Variants in CSF2RA observed in about 807,000 individuals in gnomAD.
The protein encoded by CSF2RA is granulocyte-macrophage colony-stimulating factor receptor subunit alpha.
CSF2RA carries 42 observed loss-of-function variants against 51.6 expected under a neutral mutation model. The ratio of observed to expected loss-of-function variants is 0.81; its 90% confidence interval spans 0.64 to 1.05. The LOEUF (loss-of-function observed/expected upper bound fraction) is 1.05, where lower values mean the gene tolerates loss of function less well. Among genes scored for constraint, CSF2RA ranks in the 50% least tolerant of loss-of-function variants. The probability of loss-of-function intolerance (pLI) is 0.00; values close to 1 mark genes in which losing one functional copy is unlikely to be tolerated. For synonymous variants in CSF2RA, 222 were observed against 193.0 expected (o/e 1.15, Z -1.24); for missense variants, 530 against 501.1 (o/e 1.06, Z -0.55).
the CSF2RA span, among the ~76,000 whole-genome samples, chrX:1,318,720 C>T: frequency 6.6e-6 from 1 of 151,122 alleles, no homozygotes; most frequent in African/African-American, 2.4e-5. Context: ...GATCGAGACC[C>T]TCCTGGCTAA....
At chrX:1,301,331 CAAAAAAAAAAAAA>C (rs1156943650) in intron 10 of CSF2RA, among the ~76,000 whole-genome samples, 8 of 62,690 alleles carry the variant, frequency 1.3e-4, no homozygotes, top group Non-Finnish European at 1.4e-4. Flanking sequence ...GACTCTGTCT[CAAAAAAAAAAAAA>C]AAAAAAAAAA....
the CSF2RA span, among the ~76,000 whole-genome samples, chrX:1,318,301 T>C: frequency 4.2e-4 from 63 of 151,750 alleles, 1 homozygote; most frequent in East Asian, 0.012. Flanking sequence ...GTAGCTGGGA[T>C]TACAGGCATA....
intron 8 of CSF2RA, among the ~76,000 whole-genome samples, chrX:1,295,034 A>T (rs1325185834): frequency 6.8e-6 from 1 of 147,136 alleles, no homozygotes; most frequent in Non-Finnish European, 1.5e-5. Context: ...TCCTGGACCC[A>T]GTGTAGACAA....
At chrX:1,281,068 T>TCTCCTCCTCCTCCTC (rs1390919988) in intron 2 of CSF2RA, among the ~76,000 whole-genome samples, 1 of 35,656 alleles carries the variant, frequency 2.8e-5, no homozygotes. Flanking sequence ...TCCTCCTCCT[T>TCTCCTCCTCCTCCTC]CTCCTCCTCC....
intron 2 of CSF2RA, among the ~76,000 whole-genome samples, chrX:1,277,882 C>T (rs2089403003): frequency 6.9e-6 from 1 of 144,062 alleles, no homozygotes; most frequent in Non-Finnish European, 1.5e-5. Flanking sequence ...GAGGCTGAGG[C>T]AGTAGAATTG....
chrX:1,323,752 C>G, the CSF2RA span, among the ~76,000 whole-genome samples: 1 of 151,674 alleles, frequency 6.6e-6, no homozygotes, highest in Non-Finnish European at 1.5e-5. Flanking sequence ...CAGTGGCTCA[C>G]GCCTGTAATC....
At chrX:1,300,292 A>G (rs2092283075) in intron 9 of CSF2RA, 199 bp from the exon 10 acceptor site, 4 of 623,200 alleles carry the variant, frequency 6.4e-6, no homozygotes, top group South Asian at 6.4e-5. Context: ...CTTGTCTCCC[A>G]TCGAAATACT....
At chrX:1,312,679 C>T (rs2084239874), downstream of CSF2RA, among the ~76,000 whole-genome samples, 1 of 152,068 alleles carries the variant, frequency 6.6e-6, no homozygotes, top group Non-Finnish European at 1.5e-5. Flanking sequence ...GGTCTAGGGC[C>T]TACAGGGGAC....
intron 3 of CSF2RA, among the ~76,000 whole-genome samples, chrX:1,284,431 A>ATTTTTTT (rs1298855394): frequency 3.4e-5 from 1 of 29,356 alleles, no homozygotes; most frequent in Non-Finnish European, 6.3e-5. Context: ...CTAGTTTTTG[A>ATTTTTTT]TTTTTTTTTT....
intron 2 of CSF2RA, among the ~76,000 whole-genome samples, chrX:1,277,086 G>A (rs1387523728): frequency 1.1e-4 from 16 of 151,080 alleles, no homozygotes; most frequent in African/African-American, 2.4e-4. Flanking sequence ...GAGACAGAGC[G>A]AGGCTCCGTC....
At chrX:1,297,881 C>G (rs866869769) in intron 9 of CSF2RA, among the ~76,000 whole-genome samples, 3,399 of 70,896 alleles carry the variant, frequency 0.048, no homozygotes, top group Non-Finnish European at 0.053. Flanking sequence ...TGGCGGAACC[C>G]TACAGTCCCC....
intron 4 of CSF2RA, among the ~76,000 whole-genome samples, chrX:1,286,260 G>T (rs1228609278): frequency 6.9e-6 from 1 of 145,192 alleles, no homozygotes; most frequent in African/African-American, 2.6e-5. Context: ...GTGACAGAGC[G>T]AGACTCTGTC....
chrX:1,307,498 G>A (rs868562695), intron 12 of CSF2RA, among the ~76,000 whole-genome samples: 74 of 40,900 alleles, frequency 1.8e-3, no homozygotes, highest in African/African-American at 5.4e-3. Flanking sequence ...GATTAAATGA[G>A]GCCCACTCTC....
chrX:1,313,600 T>TCA (rs1266486296), downstream of CSF2RA, among the ~76,000 whole-genome samples: 2 of 150,394 alleles, frequency 1.3e-5, no homozygotes, highest in African/African-American at 4.9e-5. Flanking sequence ...TAATCCCAGC[T>TCA]ACTTGGGAGG....
At chrX:1,280,488 A>AAAGAAG (rs1556502304) in intron 2 of CSF2RA, among the ~76,000 whole-genome samples, 1 of 121,226 alleles carries the variant, frequency 8.2e-6, no homozygotes, top group African/African-American at 3.3e-5. Context: ...AAAAAAAAAA[A>AAAGAAG]AAGAAGAAGA....
intron 12 of CSF2RA, among the ~76,000 whole-genome samples, chrX:1,308,598 G>A (rs1420620863): frequency 8.6e-5 from 13 of 151,982 alleles, no homozygotes; most frequent in African/African-American, 2.9e-4. Flanking sequence ...TGCCCCCAGC[G>A]CCCTCTTCTC....
chrX:1,319,002 T>A, the CSF2RA span, among the ~76,000 whole-genome samples: 2 of 137,780 alleles, frequency 1.5e-5, no homozygotes, highest in Non-Finnish European at 3.3e-5. Flanking sequence ...TATTTTATTT[T>A]ATTTATTTTT....
chrX:1,270,724 C>A (rs1280393977), intron 1 of CSF2RA, among the ~76,000 whole-genome samples: 1 of 151,186 alleles, frequency 6.6e-6, no homozygotes, highest in Non-Finnish European at 1.5e-5. Context: ...CCAGCCTGTC[C>A]CAGCCTCCCT....
At chrX:1,272,959 C>T (rs2088647957) in intron 1 of CSF2RA, among the ~76,000 whole-genome samples, 1 of 151,508 alleles carries the variant, frequency 6.6e-6, no homozygotes, top group African/African-American at 2.4e-5. Flanking sequence ...GCTGAGATTA[C>T]AGGCACGTAC....
Sources: gnomAD v4.1 joint callset for allele counts (sites outside exome capture counted in the v4.1 genomes callset) on GRCh38, gnomAD v4.1.1 for gene constraint, MANE v1.5 for transcripts, NCBI Gene and HGNC (gene_info 2026-07-23, HGNC 2026-07-21) for gene names.